The following ASIC2 variants were observed in gnomAD, a reference collection of about 807,000 sequenced individuals.
ASIC2 encodes the protein acid sensing ion channel subunit 2.
Under a neutral mutation model 57.3 loss-of-function variants are expected in ASIC2, and 25 were observed. The ratio of observed to expected loss-of-function variants is 0.44; its 90% CI spans 0.32 to 0.61. The LOEUF is 0.61. Among genes scored for constraint, ASIC2 ranks in the 20% least tolerant of loss-of-function variants. ASIC2 has a pLI of 0.06. For synonymous variants in ASIC2, 319 were observed against 307.5 expected, an observed-to-expected ratio of 1.04 and a Z score of -0.39; for missense variants, 641 against 738.1, an observed-to-expected ratio of 0.87 and a Z score of 1.52.
intron 3 of ASIC2, among the ~76,000 whole-genome samples, chr17:33,084,980 C>T (rs1598268356): frequency 6.6e-6 from 1 of 152,160 alleles, no homozygotes; most frequent in African/African-American, 2.4e-5. Flanking sequence ...TTTGGAAAGG[C>T]GTGGTGTGTG....
intron 1 of ASIC2, among the ~76,000 whole-genome samples, chr17:33,917,137 T>C (rs1915601734): frequency 6.6e-6 from 1 of 152,300 alleles, no homozygotes; most frequent in African/African-American, 2.4e-5. Context: ...CCAGTTCTTC[T>C]TCCTCCCCAC....
chr17:33,302,440 C>T (rs914818646), intron 1 of ASIC2, among the ~76,000 whole-genome samples: 4 of 152,216 alleles, frequency 2.6e-5, no homozygotes, highest in African/African-American at 9.6e-5. Flanking sequence ...ACCTGGCTCT[C>T]ACCTCTGCTT....
intron 1 of ASIC2, among the ~76,000 whole-genome samples, chr17:33,916,401 G>A (rs317339): frequency 0.2 from 29,754 of 152,110 alleles, 3,452 homozygotes; most frequent in East Asian, 0.39. Context: ...CCAGAGAGGT[G>A]GAGCTGAGAA....
chr17:34,112,870 T>C (rs368108180), intron 1 of ASIC2, among the ~76,000 whole-genome samples: 7 of 152,320 alleles, frequency 4.6e-5, no homozygotes, highest in African/African-American at 1.7e-4. Context: ...CTATTAATGT[T>C]ACTTCATGGT....
chr17:33,013,621 G>A lies in ASIC2; in HGVS notation c.*344C>T, dbSNP rs947618131. 1.1e-4 allele frequency: 31 copies of A among 287,730 alleles called. No homozygotes were observed. The highest frequency in any genetic ancestry group is 1.1e-3 in the Middle Eastern group (1 of 892). 17.8% of individuals were successfully genotyped at this position (287,730 alleles called of 1,614,324 possible). ...CAGCAGTGTGGACACTGGAAACCGC[G>A]TGGAGGAGTGTCATGTACAAGACAG... On this transcript the variant is annotated 3_prime_UTR_variant, in exon 10 of 10. Transcript: ENST00000225823.
At chr17:33,017,736 A>G in intron 7 of ASIC2, 52 bp from the exon 8 acceptor site, 1 of 1,540,726 alleles carries the variant, frequency 6.5e-7, no homozygotes, top group Non-Finnish European at 9.0e-7. Flanking sequence ...GCTTCCAGGA[A>G]GGGTGAACAG....
rs138881497 is a variant in ASIC2 at position 33,589,656 on chromosome 17, A to G, written c.556-477589T>C. ...GTGTCTGGCTTGTTTCACCCAGAAC[A>G]ATGTCCTTAGGATTCATCCAAGTTG... On this transcript the variant is annotated intron_variant, in intron 1 of 9. Transcript: ENST00000359872. Among the ~76,000 whole-genome samples, 387 of 152,310 alleles carry G rather than the reference A, an allele frequency of 2.5e-3. 9 individuals carry two copies. The highest frequency in any genetic ancestry group is 3.3e-3 in the East Asian group (17 of 5,184).
intron 1 of ASIC2, among the ~76,000 whole-genome samples, chr17:33,838,476 C>G (rs554087416): frequency 2.2e-4 from 33 of 152,280 alleles, no homozygotes; most frequent in African/African-American, 7.9e-4. Context: ...TCAGATGACA[C>G]ATTCTTAAAG....
chr17:33,201,141 A>T (rs319786), intron 1 of ASIC2, among the ~76,000 whole-genome samples: 135 of 152,064 alleles, frequency 8.9e-4, no homozygotes, highest in Middle Eastern at 6.8e-3. Flanking sequence ...TGTTCATCAT[A>T]CTGTATGTTT....
chr17:33,141,816 CA>C (rs1904325610), intron 1 of ASIC2, among the ~76,000 whole-genome samples: 1 of 152,206 alleles, frequency 6.6e-6, no homozygotes, highest in Admixed American at 6.5e-5. Flanking sequence ...ATCATGTTTC[CA>C]TGCGTGAACC....
At chr17:33,489,426 T>C (rs748492009) in intron 1 of ASIC2, among the ~76,000 whole-genome samples, 3 of 152,224 alleles carry the variant, frequency 2.0e-5, no homozygotes, top group Admixed American at 6.5e-5. Flanking sequence ...CCAAAGCCAG[T>C]GCTCGCAGCC....
chr17:33,575,666 G>A (rs571574350), intron 1 of ASIC2, among the ~76,000 whole-genome samples: 1 of 152,190 alleles, frequency 6.6e-6, no homozygotes, highest in African/African-American at 2.4e-5. Flanking sequence ...GGGGCTCCCA[G>A]AAATCACAGG....
intron 1 of ASIC2, chr17:34,039,353 T>G: frequency 6.2e-7 from 1 of 1,613,912 alleles, no homozygotes; most frequent in South Asian, 1.1e-5. Flanking sequence ...GAAACAAAAG[T>G]GAAGCAGAGG....
chr17:34,000,925 T>G (rs994307695), intron 1 of ASIC2: 2 of 152,190 alleles, frequency 1.3e-5, no homozygotes, highest in African/African-American at 4.8e-5. Context: ...TTGGTTCTTT[T>G]GTGTTTTTTC....
chr17:33,430,804 T>C (rs55906622), intron 1 of ASIC2, among the ~76,000 whole-genome samples: 11,571 of 152,334 alleles, frequency 0.076, 507 homozygotes, highest in Middle Eastern at 0.1. Context: ...GAAGGCAGTA[T>C]GGTTTTTGAA....
chr17:33,555,049 T>C (rs1178360845), intron 1 of ASIC2, among the ~76,000 whole-genome samples: 1 of 152,176 alleles, frequency 6.6e-6, no homozygotes, highest in African/African-American at 2.4e-5. Flanking sequence ...GAAGATCAAA[T>C]CCAGATCTGT....
intron 1 of ASIC2, among the ~76,000 whole-genome samples, chr17:33,449,347 G>T (rs1308128367): frequency 6.6e-6 from 1 of 152,166 alleles, no homozygotes; most frequent in Non-Finnish European, 1.5e-5. Context: ...GTCAAGATCT[G>T]CAGCCTTGTG....
intron 1 of ASIC2, among the ~76,000 whole-genome samples, chr17:33,717,011 AAAG>A (rs1430930666): frequency 6.6e-6 from 1 of 152,220 alleles, no homozygotes; most frequent in African/African-American, 2.4e-5. Context: ...CCAACTTTCT[AAAG>A]AAGATCTGTG....
intron 1 of ASIC2, among the ~76,000 whole-genome samples, chr17:34,014,829 A>T (rs1340958209): frequency 2.0e-5 from 3 of 152,092 alleles, no homozygotes. Flanking sequence ...GTACTCACTC[A>T]CAATTAGTAG....
Sources: allele counts gnomAD v4.1 joint callset (sites outside exome capture counted in the v4.1 genomes callset), GRCh38; gene constraint gnomAD v4.1.1; transcripts MANE v1.5; gene names NCBI Gene and HGNC (gene_info 2026-07-23, HGNC 2026-07-21).